Variants in WDPCP observed in about 807,000 individuals in gnomAD.
The protein encoded by WDPCP is WD repeat containing planar cell polarity effector, also known as WD repeat-containing and planar cell polarity effector protein fritz homolog.
WDPCP carries 71 observed loss-of-function variants against 93.1 expected under a neutral mutation model. The ratio of observed to expected loss-of-function variants is 0.76; its 90% CI spans 0.63 to 0.93. WDPCP has a LOEUF of 0.93. Among genes scored for constraint, WDPCP ranks in the 40% least tolerant of loss-of-function variants. WDPCP has a pLI of 0.00. For synonymous variants in WDPCP, 315 were observed against 315.0 expected, an observed-to-expected ratio of 1.00 and a Z score of 0.00; for missense variants, 844 against 887.4, an observed-to-expected ratio of 0.95 and a Z score of 0.62.
chr2:63,442,751 C>A (rs1266950566), intron 6 of WDPCP: 1 of 152,146 alleles, frequency 6.6e-6, no homozygotes, highest in Non-Finnish European at 1.5e-5. Context: ...TGTCTAATTT[C>A]TTTTACCTTG....
intron 17 of WDPCP, among the ~76,000 whole-genome samples, chr2:63,133,501 C>T (rs1670427243): frequency 6.6e-6 from 1 of 152,126 alleles, no homozygotes; most frequent in African/African-American, 2.4e-5. Context: ...TAATAATTCC[C>T]ACGTGTCAAG....
chr2:63,494,914 C>G (rs1198236326), intron 1 of WDPCP, among the ~76,000 whole-genome samples: 2 of 120,870 alleles, frequency 1.7e-5, no homozygotes, highest in East Asian at 2.3e-4. Context: ...AGCGAGACTC[C>G]GTCTCAAAAA....
intron 1 of WDPCP, among the ~76,000 whole-genome samples, chr2:63,545,799 T>A (rs1443868782): frequency 6.7e-6 from 1 of 149,898 alleles, no homozygotes. Flanking sequence ...AACGGTGCAA[T>A]GGTCTACAAA....
chr2:63,630,808 T>C (rs1251936289), intron 3 of WDPCP, among the ~76,000 whole-genome samples: 3 of 152,120 alleles, frequency 2.0e-5, no homozygotes, highest in African/African-American at 7.2e-5. Flanking sequence ...TCTTTTCAAG[T>C]TTTCCTGAAT....
intron 1 of WDPCP, among the ~76,000 whole-genome samples, chr2:63,542,645 T>A (rs1463129001): frequency 6.6e-6 from 1 of 152,232 alleles, no homozygotes; most frequent in African/African-American, 2.4e-5. Context: ...TAAATATGTA[T>A]TTTTAAAATA....
intron 1 of WDPCP, among the ~76,000 whole-genome samples, chr2:63,523,092 C>A (rs768574077): frequency 6.6e-6 from 1 of 152,194 alleles, no homozygotes; most frequent in African/African-American, 2.4e-5. Flanking sequence ...AGCAGCACAT[C>A]ATAAAGCTAA....
intron 12 of WDPCP, among the ~76,000 whole-genome samples, chr2:63,371,824 A>C (rs1372939763): frequency 6.6e-6 from 1 of 152,180 alleles, no homozygotes; most frequent in Non-Finnish European, 1.5e-5. Context: ...AATCTTATTT[A>C]AAACTGCAGT....
At chr2:63,419,887 A>G (rs963971190) in intron 9 of WDPCP, among the ~76,000 whole-genome samples, 1 of 152,180 alleles carries the variant, frequency 6.6e-6, no homozygotes, top group African/African-American at 2.4e-5. Context: ...TCCTGTAGGT[A>G]AACATTTAAT....
intron 10 of WDPCP, among the ~76,000 whole-genome samples, chr2:63,402,775 T>C (rs1199737570): frequency 1.3e-5 from 2 of 151,990 alleles, no homozygotes; most frequent in African/African-American, 2.4e-5. Context: ...AGTAAAAAAA[T>C]AACAGATGCT....
At chr2:63,502,661 A>C (rs1701627492) in intron 1 of WDPCP, among the ~76,000 whole-genome samples, 1 of 152,148 alleles carries the variant, frequency 6.6e-6, no homozygotes, top group African/African-American at 2.4e-5. Context: ...TAAGTTCTTT[A>C]TCCCTATGTG....
At chr2:63,784,274 G>A (rs926167208) in intron 2 of WDPCP, among the ~76,000 whole-genome samples, 1 of 152,142 alleles carries the variant, frequency 6.6e-6, no homozygotes, top group Non-Finnish European at 1.5e-5. Context: ...GACCTCTGAA[G>A]CAGTTAGAAG....
intron 13 of WDPCP, among the ~76,000 whole-genome samples, chr2:63,268,801 T>C (rs1162165068): frequency 1.3e-5 from 2 of 152,164 alleles, no homozygotes; most frequent in Non-Finnish European, 2.9e-5. Flanking sequence ...AGATTTTTAA[T>C]GTTATGATCA....
At chr2:63,837,814 A>C in the WDPCP span, among the ~76,000 whole-genome samples, 1 of 152,252 alleles carries the variant, frequency 6.6e-6, no homozygotes, top group Non-Finnish European at 1.5e-5. Context: ...CTCAAAGAGC[A>C]GAGAGTAGGG....
chr2:63,782,141 C>T (rs538587780), intron 2 of WDPCP, among the ~76,000 whole-genome samples: 1 of 152,092 alleles, frequency 6.6e-6, no homozygotes, highest in African/African-American at 2.4e-5. Flanking sequence ...ACCTGTATCT[C>T]GCACCATATT....
At chr2:63,799,372 T>C (rs1670661754) in intron 2 of WDPCP, among the ~76,000 whole-genome samples, 3 of 152,202 alleles carry the variant, frequency 2.0e-5, no homozygotes, top group Admixed American at 6.5e-5. Context: ...TATCAACTTA[T>C]AAATGAGATA....
intron 1 of WDPCP, among the ~76,000 whole-genome samples, chr2:63,587,650 G>A (rs1276850032): frequency 1.3e-5 from 2 of 152,116 alleles, no homozygotes; most frequent in Non-Finnish European, 2.9e-5. Flanking sequence ...ACATCCACAA[G>A]AAACAAGCTT....
intron 15 of WDPCP, among the ~76,000 whole-genome samples, chr2:63,171,395 A>G (rs1005524173): frequency 6.6e-6 from 1 of 152,246 alleles, no homozygotes; most frequent in African/African-American, 2.4e-5. Flanking sequence ...TTGAATAGCT[A>G]TAACAACAAA....
chr2:63,829,550 AATTAT>A (rs1423104789), upstream of WDPCP, among the ~76,000 whole-genome samples: 5 of 152,072 alleles, frequency 3.3e-5, no homozygotes, highest in African/African-American at 4.8e-5. Context: ...CAATTTTTAA[AATTAT>A]ATTATATTAC....
chr2:63,260,392 A>C (rs1157556968), intron 13 of WDPCP, among the ~76,000 whole-genome samples: 1 of 152,264 alleles, frequency 6.6e-6, no homozygotes, highest in Non-Finnish European at 1.5e-5. Flanking sequence ...TAAATGGCTT[A>C]TCATTAAAAG....
Sources: allele counts gnomAD v4.1 joint callset (sites outside exome capture counted in the v4.1 genomes callset), GRCh38; gene constraint gnomAD v4.1.1; transcripts MANE v1.5; gene names NCBI Gene and HGNC (gene_info 2026-07-23, HGNC 2026-07-21).